The following ASCC3 variants were observed in gnomAD, a reference collection of about 807,000 sequenced individuals.
The protein encoded by ASCC3 is ASC-1 complex subunit P200.
In ASCC3, 158 loss-of-function variants were observed where a neutral mutation model predicts 256.3. The observed-to-expected ratio is 0.62, with a 90% CI of 0.54 to 0.70. ASCC3 has a LOEUF of 0.70. Among genes scored for constraint, ASCC3 ranks in the 30% least tolerant of loss-of-function variants. The pLI is 0.00. For synonymous variants in ASCC3, 948 were observed against 883.4 expected (o/e 1.07, Z -1.30); for missense variants, 2,259 against 2,626.0 (o/e 0.86, Z 3.05).
At chr6:100,698,486 T>C (rs978146118) in intron 13 of ASCC3, among the ~76,000 whole-genome samples, 2 of 152,034 alleles carry the variant, frequency 1.3e-5, no homozygotes, top group African/African-American at 4.8e-5. Context: ...ACTCAAGGGC[T>C]TAATGAATAG....
intron 13 of ASCC3, among the ~76,000 whole-genome samples, chr6:100,705,974 A>G (rs988463352): frequency 2.0e-5 from 3 of 151,950 alleles, no homozygotes; most frequent in African/African-American, 7.2e-5. Context: ...GTAGTTAGTT[A>G]TAACTATAAT....
At chr6:100,860,397 A>C (rs1446914009) in intron 3 of ASCC3, among the ~76,000 whole-genome samples, 1 of 152,008 alleles carries the variant, frequency 6.6e-6, no homozygotes, top group Non-Finnish European at 1.5e-5. Flanking sequence ...AATTGTAAAA[A>C]GGTATGGGAA....
At chr6:100,869,492 T>G (rs1043950414) in intron 1 of ASCC3, among the ~76,000 whole-genome samples, 19 of 152,150 alleles carry the variant, frequency 1.2e-4, no homozygotes, top group Non-Finnish European at 2.5e-4. Context: ...GTAGGATGAT[T>G]TGAAAATACA....
chr6:100,647,329 G>A lies in ASCC3; in HGVS notation c.3375C>T (p.Ser1125=), dbSNP rs762570153. Residue 1125 remains serine (S), a synonymous_variant, in exon 21 of 42, where the codon AGC becomes AGT. Transcript: ENST00000369162. The part of the protein sequence containing the change: ...VIDKRLWGWA[S]PLRQFSILPP... Reference sequence around the variant, plus strand: ...GTAGGATTGAAAATTGTCTCAAAGGGCTAGCCCAACCCCAAAGCCTCTTGT... The same window carrying A: ...GTAGGATTGAAAATTGTCTCAAAGGACTAGCCCAACCCCAAAGCCTCTTGT... The A allele has an allele frequency of 6.2e-7, 1 of 1,613,884 alleles. No individual in the cohort carries two copies. The highest frequency in any genetic ancestry group is 1.1e-5 in the South Asian group (1 of 91,068).
At chr6:100,673,697 T>C (rs1377167885) in intron 14 of ASCC3, among the ~76,000 whole-genome samples, 1 of 152,226 alleles carries the variant, frequency 6.6e-6, no homozygotes, top group Admixed American at 6.5e-5. Flanking sequence ...GTCCCTTGAT[T>C]GGAAGAAAGT....
intron 11 of ASCC3, among the ~76,000 whole-genome samples, chr6:100,724,716 G>C (rs1184138374): frequency 6.6e-6 from 1 of 151,858 alleles, no homozygotes; most frequent in Non-Finnish European, 1.5e-5. Flanking sequence ...GTTCAAGCAC[G>C]AGGGACTCTA....
intron 10 of ASCC3, among the ~76,000 whole-genome samples, chr6:100,741,791 C>T (rs1780448731): frequency 6.6e-6 from 1 of 152,268 alleles, no homozygotes; most frequent in Admixed American, 6.5e-5. Flanking sequence ...ACTGTTTTAT[C>T]TTGATTCTTA....
intron 37 of ASCC3, among the ~76,000 whole-genome samples, chr6:100,526,795 G>A (rs909163727): frequency 3.9e-5 from 6 of 152,148 alleles, no homozygotes; most frequent in Admixed American, 3.9e-4. Flanking sequence ...CCACTAATAC[G>A]ACTTCATCAG....
chr6:100,583,938 T>C (rs1771476830), intron 36 of ASCC3, among the ~76,000 whole-genome samples: 1 of 152,362 alleles, frequency 6.6e-6, no homozygotes, highest in African/African-American at 2.4e-5. Context: ...TTGATTGCAT[T>C]GTGGTCTGAG....
intron 36 of ASCC3, among the ~76,000 whole-genome samples, chr6:100,543,193 TC>T (rs1458481309): frequency 6.6e-6 from 1 of 150,892 alleles, no homozygotes; most frequent in East Asian, 1.9e-4. Context: ...ATACTTTAAG[TC>T]ATCTCTAGAT....
At chr6:100,879,040 A>AC (rs1490217375) in intron 1 of ASCC3, among the ~76,000 whole-genome samples, 1 of 151,960 alleles carries the variant, frequency 6.6e-6, no homozygotes, top group Non-Finnish European at 1.5e-5. Flanking sequence ...GGATTACATG[A>AC]CCCCCCTCCT....
chr6:100,689,149 C>G (rs540906999), intron 13 of ASCC3, among the ~76,000 whole-genome samples: 12 of 152,200 alleles, frequency 7.9e-5, no homozygotes, highest in Admixed American at 5.2e-4. Context: ...CCAATCTCGC[C>G]AGGGAAAATT....
chr6:100,792,595 A>G (rs1190044060), intron 8 of ASCC3, among the ~76,000 whole-genome samples: 2 of 151,908 alleles, frequency 1.3e-5, no homozygotes, highest in African/African-American at 4.8e-5. Context: ...ATTTTTGAAA[A>G]ACTCCTTATA....
intron 13 of ASCC3, among the ~76,000 whole-genome samples, chr6:100,689,864 A>G (rs1582702365): frequency 1.3e-5 from 2 of 152,252 alleles, no homozygotes; most frequent in South Asian, 2.1e-4. Context: ...ATAGAAATAC[A>G]TGTATGCGTA....
intron 10 of ASCC3, among the ~76,000 whole-genome samples, chr6:100,734,060 A>G (rs1780029701): frequency 6.6e-6 from 1 of 152,194 alleles, no homozygotes; most frequent in Non-Finnish European, 1.5e-5. Flanking sequence ...AGTAATCCCC[A>G]GAGAAATAAT....
chr6:100,611,258 T>C (rs921938409), intron 30 of ASCC3, among the ~76,000 whole-genome samples: 1 of 152,136 alleles, frequency 6.6e-6, no homozygotes, highest in Admixed American at 6.5e-5. Flanking sequence ...AAACTTCATT[T>C]ATTACATGGT....
chr6:100,623,112 A>G (rs945806271), intron 30 of ASCC3, among the ~76,000 whole-genome samples: 6 of 152,152 alleles, frequency 3.9e-5, no homozygotes, highest in East Asian at 1.9e-4. Flanking sequence ...AATATTTTGT[A>G]TATCTATTTT....
intron 5 of ASCC3, among the ~76,000 whole-genome samples, chr6:100,802,506 T>G (rs779986204): frequency 3.8e-4 from 58 of 152,004 alleles, no homozygotes; most frequent in Non-Finnish European, 7.2e-4. Flanking sequence ...TCTTTATAAA[T>G]TACCCAGTCT....
chr6:100,620,845 A>T (rs1213991977), intron 30 of ASCC3, among the ~76,000 whole-genome samples: 1 of 152,190 alleles, frequency 6.6e-6, no homozygotes, highest in East Asian at 1.9e-4. Context: ...CACAAAGATT[A>T]AAATGTTAAA....
Sources: gnomAD v4.1 joint callset for allele counts (sites outside exome capture counted in the v4.1 genomes callset) on GRCh38, gnomAD v4.1.1 for gene constraint, MANE v1.5 for transcripts, NCBI Gene and HGNC (gene_info 2026-07-23, HGNC 2026-07-21) for gene names.